Variants in SORCS2 observed in about 807,000 individuals in gnomAD.
SORCS2 encodes the protein sortilin related VPS10 domain containing receptor 2.
In SORCS2, 100 loss-of-function variants were observed where a neutral mutation model predicts 141.6. That is an observed-to-expected ratio of 0.71 (90% CI 0.60 to 0.83). SORCS2 has a LOEUF of 0.83. Ranked by LOEUF, SORCS2 falls within the 40% of genes least tolerant of loss-of-function variation. The probability of loss-of-function intolerance (pLI) is 0.00; values close to 1 mark genes in which losing one functional copy is unlikely to be tolerated. For missense variants in SORCS2, 1,646 were observed against 1,560.2 expected, an observed-to-expected ratio of 1.05 and a Z score of -0.93; for synonymous variants, 789 against 676.9, an observed-to-expected ratio of 1.17 and a Z score of -2.57.
At chr4:7,628,676 C>G (rs757238) in intron 3 of SORCS2, among the ~76,000 whole-genome samples, 101,942 of 151,618 alleles carry the variant, frequency 0.67, 34,545 homozygotes, top group East Asian at 0.95. Context: ...TGGCCTCGTG[C>G]GGGATCGGCC....
chr4:7,480,103 T>A (rs13119088), intron 2 of SORCS2, among the ~76,000 whole-genome samples: 11,413 of 152,244 alleles, frequency 0.075, 693 homozygotes, highest in South Asian at 0.25. Flanking sequence ...CCCTTCTGCG[T>A]GCTGCAGATG....
chr4:7,298,036 C>A, intron 1 of SORCS2, among the ~76,000 whole-genome samples: 1 of 152,254 alleles, frequency 6.6e-6, no homozygotes, highest in East Asian at 1.9e-4. Flanking sequence ...GCCTGAGCCA[C>A]CTCTTCCCCA....
chr4:7,436,026 A>G lies in SORCS2; in HGVS notation c.548+39671A>G, dbSNP rs151019471. On this transcript the variant is annotated intron_variant, in intron 2 of 26. Coordinates refer to ENST00000507866, the MANE Select transcript of SORCS2 (RefSeq NM_020777.3). ...GCAACAGCCACACATGAGGAATGCAATAGTGCAGGGTGCTTCCCGCCAGCC... is the reference window on the plus strand; with the variant it reads ...GCAACAGCCACACATGAGGAATGCAGTAGTGCAGGGTGCTTCCCGCCAGCC... Among the ~76,000 whole-genome samples the G allele has an allele frequency of 2.0e-3, 305 of 152,392 alleles. 1 individual carries two copies. Among genetic ancestry groups the G allele is most frequent in the Non-Finnish European group, 3.6e-3 (247 of 68,030 alleles).
At chr4:7,695,332 A>G (rs71612276) in intron 11 of SORCS2, among the ~76,000 whole-genome samples, 6 of 43,316 alleles carry the variant, frequency 1.4e-4, no homozygotes, top group South Asian at 1.2e-3. Context: ...GGATGGATGG[A>G]TGGATGGATG....
At position 7,740,627 on chromosome 4, in the gene SORCS2, A is replaced by T; in HGVS notation, c.*363A>T. 1 of 344,578 alleles carries T rather than the reference A, an allele frequency of 2.9e-6. No individual in the cohort carries two copies. Among genetic ancestry groups the T allele is most frequent in the Non-Finnish European group, 5.5e-6 (1 of 180,734 alleles). The allele number at this position is 344,578 out of a possible 1,614,324, so 21.3% of individuals were successfully genotyped here. ...GAGCCCTCCCAGTACCTCGGGCTGCAAGAGCTGCAGACCCGTTCAGACACT... is the reference window on the plus strand; with the variant it reads ...GAGCCCTCCCAGTACCTCGGGCTGCTAGAGCTGCAGACCCGTTCAGACACT... On this transcript the variant is annotated 3_prime_UTR_variant, in exon 27 of 27. Coordinates refer to ENST00000507866, the MANE Select transcript of SORCS2 (RefSeq NM_020777.3).
intron 3 of SORCS2, among the ~76,000 whole-genome samples, chr4:7,617,197 C>T (rs1238940459): frequency 6.6e-6 from 1 of 152,170 alleles, no homozygotes; most frequent in Non-Finnish European, 1.5e-5. Flanking sequence ...ATATATTTAT[C>T]TATCCATTGG....
chr4:7,614,928 C>T (rs1718660234), intron 3 of SORCS2, among the ~76,000 whole-genome samples: 1 of 151,916 alleles, frequency 6.6e-6, no homozygotes, highest in Non-Finnish European at 1.5e-5. Context: ...CCTATTAATC[C>T]ACCTACCCAC....
intron 1 of SORCS2, among the ~76,000 whole-genome samples, chr4:7,271,678 C>T (rs1322444399): frequency 6.6e-6 from 1 of 152,212 alleles, no homozygotes; most frequent in Non-Finnish European, 1.5e-5. Context: ...GCTGTGGTGT[C>T]CTCAGTACCT....
Position 7,328,328 on chromosome 4 carries a change from AC to A in SORCS2, c.481-67957del, listed in dbSNP as rs199759465. ...TGGGTTTACAGGCATGAGCCACCGC[AC>A]CCGGCCCGTGCTAGGCTTCTGATAG... On this transcript the variant is annotated intron_variant, in intron 1 of 26. Coordinates refer to ENST00000507866, the MANE Select transcript of SORCS2 (RefSeq NM_020777.3). Among the ~76,000 whole-genome samples the A allele has an allele frequency of 6.3e-3, 946 of 150,548 alleles. 11 individuals carry two copies. The highest frequency in any genetic ancestry group is 0.021 in the African/African-American group (869 of 40,866).
At chr4:7,478,045 G>A (rs561927471) in intron 2 of SORCS2, among the ~76,000 whole-genome samples, 2 of 152,278 alleles carry the variant, frequency 1.3e-5, no homozygotes, top group East Asian at 3.9e-4. Flanking sequence ...AGCCACCGGG[G>A]GCCTCTTGAG....
intron 2 of SORCS2, among the ~76,000 whole-genome samples, chr4:7,527,848 A>G (rs1733792375): frequency 6.6e-6 from 1 of 152,066 alleles, no homozygotes; most frequent in Non-Finnish European, 1.5e-5. Flanking sequence ...CTTTAGGAGG[A>G]AATGTCAGCT....
At chr4:7,269,706 C>A (rs62279431) in intron 1 of SORCS2, among the ~76,000 whole-genome samples, 30,882 of 152,158 alleles carry the variant, frequency 0.2, 3,617 homozygotes, top group South Asian at 0.3. Flanking sequence ...GTCTCTGAGC[C>A]TCCAGAAGGA....
chr4:7,716,346 A>G (rs542511921), intron 17 of SORCS2, among the ~76,000 whole-genome samples: 6 of 152,152 alleles, frequency 3.9e-5, no homozygotes, highest in East Asian at 3.9e-4. Flanking sequence ...TCACTCGTTC[A>G]TCTCCCATCT....
intron 1 of SORCS2, among the ~76,000 whole-genome samples, chr4:7,271,495 A>G (rs1715126798): frequency 6.6e-6 from 1 of 151,988 alleles, no homozygotes; most frequent in Non-Finnish European, 1.5e-5. Flanking sequence ...TTTTAATCCC[A>G]CCTTCACAGG....
intron 2 of SORCS2, among the ~76,000 whole-genome samples, chr4:7,497,248 T>C (rs13114663): frequency 0.89 from 134,912 of 152,186 alleles, 61,480 homozygotes; most frequent in South Asian, 0.99. Context: ...AGACCCACTG[T>C]GTGCCTCTTA....
chr4:7,719,365 C>A (rs1178308357), intron 18 of SORCS2, among the ~76,000 whole-genome samples: 1 of 152,218 alleles, frequency 6.6e-6, no homozygotes, highest in African/African-American at 2.4e-5. Flanking sequence ...CCTGGCCCCA[C>A]CTCAAGTGGC....
rs1450082508 is a variant in SORCS2 at position 7,676,076 on chromosome 4, G to C, written c.1188G>C (p.Glu396Asp). 1 of 1,591,142 alleles carries C rather than the reference G, an allele frequency of 6.3e-7. No homozygotes were observed. Among genetic ancestry groups the C allele is most frequent in the East Asian group, 2.3e-5 (1 of 43,620 alleles). The stretch of plus-strand genomic sequence containing the variant: ...ATCTGCAGATCATCAGCACGGACGA[G>C]AGTCAGGTGTTCGTGGCGGTGCAGG... ...PKDLQIISTD[E>D]SQVFVAVQEW... The change falls in exon 9 of 27, where the codon GAG (glutamate) becomes GAC (aspartate). Residue 396 changes from glutamate to aspartate, a missense_variant. Coordinates refer to ENST00000507866, the MANE Select transcript of SORCS2 (RefSeq NM_020777.3).
At chr4:7,210,574 C>T (rs947966507) in intron 1 of SORCS2, among the ~76,000 whole-genome samples, 1 of 152,170 alleles carries the variant, frequency 6.6e-6, no homozygotes, top group African/African-American at 2.4e-5. Flanking sequence ...AGCCGCCATG[C>T]CTGGATCAAA....
In SORCS2 at chr4:7,638,463, A is replaced by G. The variant is rs1720416213; in HGVS notation, c.784A>G (p.Lys262Glu). Residue 262 changes from lysine to glutamate, a missense_variant, in exon 4 of 27, where the codon AAG becomes GAG. Physicochemically the swap from Lys to Glu is moderately conservative, Grantham distance 56. Coordinates refer to ENST00000507866, the MANE Select transcript of SORCS2 (RefSeq NM_020777.3). Reference sequence around the variant, plus strand: ...GATTTTCCACCCTAAGGAGGAGGACAAGGTCCTCGCCTACACAAAGGAGAG... The same window carrying G: ...GATTTTCCACCCTAAGGAGGAGGACGAGGTCCTCGCCTACACAAAGGAGAG... ...TLIFHPKEED[K>E]VLAYTKESKL... is the part of the protein sequence containing the mutation. 6 of 1,611,664 alleles carry G rather than the reference A, an allele frequency of 3.7e-6. No individual in the cohort carries two copies. In the East Asian group the frequency reaches 1.1e-4, roughly 30 times the overall value.
Sources: gnomAD v4.1 joint callset for allele counts (sites outside exome capture counted in the v4.1 genomes callset) on GRCh38, gnomAD v4.1.1 for gene constraint, MANE v1.5 for transcripts, NCBI Gene and HGNC (gene_info 2026-07-23, HGNC 2026-07-21) for gene names.